The following NRG3 variants were observed in gnomAD, a reference collection of about 807,000 sequenced individuals.
NRG3 encodes neuregulin 3.
NRG3 carries 31 observed loss-of-function variants against 66.9 expected under a neutral mutation model. That is an observed-to-expected ratio of 0.46 (90% CI 0.35 to 0.63). The LOEUF (loss-of-function observed/expected upper bound fraction) is 0.63. Among genes scored for constraint, NRG3 ranks in the 20% least tolerant of loss-of-function variants. The probability of loss-of-function intolerance (pLI) is 0.00; values close to 1 mark genes in which losing one functional copy is unlikely to be tolerated. For missense variants in NRG3, 910 were observed against 878.9 expected, an observed-to-expected ratio of 1.04 and a Z score of -0.45; for synonymous variants, 393 against 359.4, an observed-to-expected ratio of 1.09 and a Z score of -1.06.
chr10:82,780,630 G>T (rs1382999151), intron 3 of NRG3, among the ~76,000 whole-genome samples: 1 of 151,914 alleles, frequency 6.6e-6, no homozygotes, highest in Non-Finnish European at 1.5e-5. Context: ...CAGTTACACT[G>T]TTTAGCTTAA....
At chr10:82,652,279 T>G (rs1291484317) in intron 2 of NRG3, among the ~76,000 whole-genome samples, 2 of 152,148 alleles carry the variant, frequency 1.3e-5, no homozygotes, top group African/African-American at 4.8e-5. Context: ...TGTGACAGCC[T>G]TTTTGTATCC....
intron 1 of NRG3, among the ~76,000 whole-genome samples, chr10:82,132,294 A>C (rs530355201): frequency 6.0e-5 from 9 of 150,888 alleles, no homozygotes; most frequent in Non-Finnish European, 8.9e-5. Context: ...GGAAATAATC[A>C]TATGGTTTTT....
intron 2 of NRG3, among the ~76,000 whole-genome samples, chr10:82,646,913 T>A (rs914167482): frequency 1.3e-5 from 2 of 151,890 alleles, no homozygotes; most frequent in Non-Finnish European, 2.9e-5. Flanking sequence ...CCACAGGGAC[T>A]GAGAGAGAAA....
At chr10:82,143,175 G>A (rs2069950306) in intron 1 of NRG3, among the ~76,000 whole-genome samples, 1 of 152,076 alleles carries the variant, frequency 6.6e-6, no homozygotes, top group African/African-American at 2.4e-5. Context: ...GCAGACTGAT[G>A]CTGAAATGAT....
chr10:82,709,796 A>C (rs2056548024), intron 2 of NRG3, among the ~76,000 whole-genome samples: 1 of 152,212 alleles, frequency 6.6e-6, no homozygotes, highest in South Asian at 2.1e-4. Context: ...GTCCTAAATA[A>C]AGTCCAAGTT....
intron 2 of NRG3, among the ~76,000 whole-genome samples, chr10:82,382,550 G>A (rs1444802189): frequency 1.3e-5 from 2 of 151,864 alleles, no homozygotes; most frequent in Admixed American, 6.6e-5. Context: ...CCTTTTGCAG[G>A]CCTGTAATCC....
intron 3 of NRG3, among the ~76,000 whole-genome samples, chr10:82,789,754 A>C (rs76097909): frequency 6.6e-6 from 1 of 151,250 alleles, no homozygotes; most frequent in Non-Finnish European, 1.5e-5. Context: ...GTCTTTCTTT[A>C]CTCCCTATTC....
At chr10:82,727,486 T>G (rs890532951) in intron 2 of NRG3, among the ~76,000 whole-genome samples, 6 of 152,216 alleles carry the variant, frequency 3.9e-5, no homozygotes, top group Non-Finnish European at 8.8e-5. Context: ...AAGCCTTGGC[T>G]TCCATGTGGT....
intron 1 of NRG3, among the ~76,000 whole-genome samples, chr10:82,075,360 G>C (rs1033464025): frequency 2.0e-5 from 3 of 151,968 alleles, no homozygotes; most frequent in African/African-American, 7.3e-5. Context: ...TACATTTTTG[G>C]TTTTGTGATC....
intron 2 of NRG3, among the ~76,000 whole-genome samples, chr10:82,729,956 G>A (rs1030286710): frequency 6.6e-6 from 1 of 152,066 alleles, no homozygotes; most frequent in African/African-American, 2.4e-5. Context: ...ACAACACCTG[G>A]ATTTGGGCAA....
At chr10:82,223,645 ACAC>A (rs1564681053) in intron 1 of NRG3, among the ~76,000 whole-genome samples, 3,003 of 38,878 alleles carry the variant, frequency 0.077, 90 homozygotes, top group African/African-American at 0.16. Flanking sequence ...CACCCCAAAC[ACAC>A]ACACACACAC....
intron 2 of NRG3, among the ~76,000 whole-genome samples, chr10:82,412,854 T>C (rs2136169809): frequency 6.6e-6 from 1 of 152,244 alleles, no homozygotes; most frequent in East Asian, 1.9e-4. Flanking sequence ...AAAAAACACT[T>C]TCTTAGCTCT....
At chr10:82,841,351 C>T (rs1331078467) in intron 3 of NRG3, among the ~76,000 whole-genome samples, 1 of 152,182 alleles carries the variant, frequency 6.6e-6, no homozygotes, top group East Asian at 1.9e-4. Context: ...TAATACCCCA[C>T]TCCTTGTACC....
chr10:81,923,750 T>A (rs931929639), intron 1 of NRG3, among the ~76,000 whole-genome samples: 6 of 152,076 alleles, frequency 3.9e-5, no homozygotes, highest in African/African-American at 1.4e-4. Context: ...TTATCTTCTG[T>A]CCCTTCTCTG....
intron 3 of NRG3, among the ~76,000 whole-genome samples, chr10:82,839,088 G>A (rs1205041406): frequency 6.6e-6 from 1 of 152,120 alleles, no homozygotes; most frequent in African/African-American, 2.4e-5. Context: ...AGATTTATGC[G>A]AGCTACAATT....
intron 2 of NRG3, among the ~76,000 whole-genome samples, chr10:82,441,621 A>G (rs1329613536): frequency 6.6e-6 from 1 of 152,244 alleles, no homozygotes; most frequent in Non-Finnish European, 1.5e-5. Flanking sequence ...TGCTGTAGTA[A>G]CATGGGCATT....
intron 2 of NRG3, among the ~76,000 whole-genome samples, chr10:82,610,881 A>G (rs1362864792): frequency 6.6e-6 from 1 of 152,214 alleles, no homozygotes; most frequent in African/African-American, 2.4e-5. Context: ...GTTGTATTCA[A>G]TTATGAGAAA....
rs976620977 is a variant in NRG3 at position 82,624,406 on chromosome 10, T to C, written c.954-114171T>C. On this transcript the variant is annotated intron_variant, in intron 2 of 8. Transcript: ENST00000372141. ...TTACACCAAATTTTGCCTTCCTTCCTTTTTCCCCCACCTTAACCATTCTCC... is the reference window on the plus strand; with the variant it reads ...TTACACCAAATTTTGCCTTCCTTCCCTTTTCCCCCACCTTAACCATTCTCC... Among the ~76,000 whole-genome samples, 6 of 152,180 alleles carry C rather than the reference T, an allele frequency of 3.9e-5. No homozygotes were observed. The South Asian group carries it at 8.3e-4, about 21-fold the overall frequency.
intron 1 of NRG3, among the ~76,000 whole-genome samples, chr10:82,010,275 C>A (rs147146272): frequency 3.9e-5 from 6 of 152,162 alleles, no homozygotes; most frequent in African/African-American, 1.4e-4. Flanking sequence ...CAATTCCAAA[C>A]CTAAGCTCAT....
Sources: allele counts gnomAD v4.1 joint callset (sites outside exome capture counted in the v4.1 genomes callset), GRCh38; gene constraint gnomAD v4.1.1; transcripts MANE v1.5; gene names NCBI Gene and HGNC (gene_info 2026-07-23, HGNC 2026-07-21).